FGFR2: variants seen among roughly 807,000 people sequenced by gnomAD.
FGFR2 encodes the protein BEK fibroblast growth factor receptor.
A neutral mutation model predicts 95.9 loss-of-function variants in FGFR2; 19 were observed. The ratio of observed to expected loss-of-function variants is 0.20; its 90% CI spans 0.14 to 0.29. The LOEUF (loss-of-function observed/expected upper bound fraction) is 0.29. Ranked by LOEUF, FGFR2 falls within the 10% of genes least tolerant of loss-of-function variation. The pLI, the probability that FGFR2 is intolerant of heterozygous loss-of-function variation, is 1.00. For missense variants in FGFR2, 707 were observed against 1,056.9 expected, an observed-to-expected ratio of 0.67 and a Z score of 4.59; for synonymous variants, 392 against 393.3, an observed-to-expected ratio of 1.00 and a Z score of 0.04.
chr10:121,493,846 C>T (rs1846443943), intron 13 of FGFR2, among the ~76,000 whole-genome samples: 1 of 152,100 alleles, frequency 6.6e-6, no homozygotes, highest in Non-Finnish European at 1.5e-5. Flanking sequence ...TGCCCCCTGC[C>T]CCAGCCCTGA....
Position 121,593,824 on chromosome 10 carries a change from G to A in FGFR2, c.-7C>T, listed in dbSNP as rs773626594. Reference sequence around the variant, plus strand: ...AACGACCCCAGCTGACCATGGTTACGGTACCAATCCCCGGTCCTCTTCCAT... The same window carrying A: ...AACGACCCCAGCTGACCATGGTTACAGTACCAATCCCCGGTCCTCTTCCAT... On this transcript the variant is annotated 5_prime_UTR_variant, in exon 2 of 18. Transcript: ENST00000358487. 2.5e-5 allele frequency: 40 copies of A among 1,612,964 alleles called. No homozygotes were observed. Among genetic ancestry groups the A allele is most frequent in the Admixed American group, 1.2e-4 (7 of 60,002 alleles).
At chr10:121,565,828 C>T (rs1857598069) in intron 2 of FGFR2, 124 bp from the exon 3 acceptor site, 2 of 1,165,986 alleles carry the variant, frequency 1.7e-6, no homozygotes, top group Non-Finnish European at 2.5e-6. Flanking sequence ...CTGCAAATGG[C>T]CCCAGCAGGC....
intron 2 of FGFR2, 72 bp downstream of exon 2, chr10:121,593,637 A>G: frequency 7.5e-7 from 1 of 1,341,444 alleles, no homozygotes; most frequent in Non-Finnish European, 1.1e-6. Flanking sequence ...AGCTGATTCT[A>G]AAACAGGCCT....
chr10:121,525,525 G>C (rs920990172), intron 6 of FGFR2, among the ~76,000 whole-genome samples: 1 of 152,024 alleles, frequency 6.6e-6, no homozygotes, highest in Non-Finnish European at 1.5e-5. Flanking sequence ...TATCAGGATG[G>C]GCTCTGTCAA....
chr10:121,567,383 TG>T (rs1477517772), intron 2 of FGFR2, among the ~76,000 whole-genome samples: 1 of 152,144 alleles, frequency 6.6e-6, no homozygotes, highest in African/African-American at 2.4e-5. Flanking sequence ...AAATGTAACA[TG>T]GACAAATGCA....
chr10:121,533,641 T>G (rs1478682845), intron 6 of FGFR2, among the ~76,000 whole-genome samples: 5 of 152,218 alleles, frequency 3.3e-5, no homozygotes, highest in African/African-American at 1.2e-4. Context: ...CCGCACATTC[T>G]GTCTTCTGCA....
At chr10:121,493,291 G>A (rs777068338) in intron 13 of FGFR2, among the ~76,000 whole-genome samples, 14 of 152,144 alleles carry the variant, frequency 9.2e-5, no homozygotes, top group South Asian at 2.1e-4. Flanking sequence ...GGGTACTTCC[G>A]TTCTTCCACG....
At chr10:121,577,026 T>G (rs1191920879) in intron 2 of FGFR2, among the ~76,000 whole-genome samples, 2 of 144,148 alleles carry the variant, frequency 1.4e-5, no homozygotes, top group South Asian at 2.2e-4. Flanking sequence ...TCCCAGCTAC[T>G]CGGGAGGCTG....
intron 4 of FGFR2, among the ~76,000 whole-genome samples, chr10:121,559,136 C>CA (rs1336784818): frequency 7.4e-6 from 1 of 135,770 alleles, no homozygotes; most frequent in Non-Finnish European, 1.6e-5. Flanking sequence ...AAAAAAAACT[C>CA]AAAAAAGCCC....
At chr10:121,523,766 T>C (rs1010174698) in intron 6 of FGFR2, among the ~76,000 whole-genome samples, 1 of 152,198 alleles carries the variant, frequency 6.6e-6, no homozygotes, top group Non-Finnish European at 1.5e-5. Context: ...GGCCTACACA[T>C]CTATTCTTAG....
At chr10:121,506,812 T>C (rs1161447081) in intron 9 of FGFR2, among the ~76,000 whole-genome samples, 1 of 152,202 alleles carries the variant, frequency 6.6e-6, no homozygotes, top group Non-Finnish European at 1.5e-5. Flanking sequence ...AGAAAATACA[T>C]TTTATTTCAG....
At chr10:121,556,655 C>T (rs1455678531) in intron 4 of FGFR2, among the ~76,000 whole-genome samples, 2 of 152,194 alleles carry the variant, frequency 1.3e-5, no homozygotes, top group African/African-American at 2.4e-5. Flanking sequence ...CCTTCAACCA[C>T]TCCAGCCTGC....
At chr10:121,588,276 G>GA in intron 2 of FGFR2, among the ~76,000 whole-genome samples, 1 of 151,984 alleles carries the variant, frequency 6.6e-6, no homozygotes, top group Non-Finnish European at 1.5e-5. Flanking sequence ...GAGAGGAGCA[G>GA]AAAAAATAGC....
rs531695350 is a variant in FGFR2, at chr10:121,527,152, G to C, written c.749-6983C>G. 2.6e-5 allele frequency among the ~76,000 whole-genome samples: 4 copies of C among 152,218 alleles called. No homozygotes were observed. The South Asian group carries it at 6.2e-4, about 24-fold the overall frequency. ...GCCTGGGAAGACCAAAGCAGGTGGA[G>C]GCAAAGTACCTTCCCTAATTAATGT... On this transcript the variant is annotated intron_variant, in intron 6 of 17. Coordinates refer to ENST00000358487, the MANE Select transcript of FGFR2 (RefSeq NM_000141.5).
intron 2 of FGFR2, among the ~76,000 whole-genome samples, chr10:121,570,877 T>A (rs985984297): frequency 2.0e-5 from 3 of 152,266 alleles, no homozygotes; most frequent in Non-Finnish European, 4.4e-5. Context: ...TCTACTGCCG[T>A]GGCCACACTA....
Position 121,498,614 on chromosome 10 carries a change from A to ATT in FGFR2, c.1562-10_1562-9insAA, listed in dbSNP as rs754454944. The ATT allele has an allele frequency of 1.5e-5, 24 of 1,611,754 alleles. No individual in the cohort carries two copies. In the African/African-American group the frequency reaches 2.4e-4, roughly 16 times the overall value. On this transcript the variant is annotated splice_polypyrimidine_tract_variant and intron_variant, in intron 11 of 17. Coordinates refer to ENST00000358487, the MANE Select transcript of FGFR2 (RefSeq NM_000141.5). ...TTTCTCTGTGGCATCATCTATGAAC[A>ATT]GTAGGCATATTCACAAATCAGTTCA... is the stretch of plus-strand genomic sequence containing the variant.
chr10:121,536,736 C>T (rs1304369492), intron 6 of FGFR2, among the ~76,000 whole-genome samples: 1 of 152,166 alleles, frequency 6.6e-6, no homozygotes, highest in Non-Finnish European at 1.5e-5. Flanking sequence ...AAGCAAGAGC[C>T]CAGACCGGAG....
intron 5 of FGFR2, among the ~76,000 whole-genome samples, chr10:121,548,360 G>T (rs1264973079): frequency 7.2e-6 from 1 of 138,212 alleles, no homozygotes; most frequent in African/African-American, 2.7e-5. Flanking sequence ...GGCTCAGCGT[G>T]ATACAACAAA....
intron 5 of FGFR2, among the ~76,000 whole-genome samples, chr10:121,549,625 GCTCT>G (rs146483238): frequency 5.9e-5 from 9 of 151,428 alleles, no homozygotes; most frequent in Non-Finnish European, 1.0e-4. Flanking sequence ...CTGCGATCCT[GCTCT>G]CTCTCTCTCT....
Sources: allele counts gnomAD v4.1 joint callset (sites outside exome capture counted in the v4.1 genomes callset), GRCh38; gene constraint gnomAD v4.1.1; transcripts MANE v1.5; gene names NCBI Gene and HGNC (gene_info 2026-07-23, HGNC 2026-07-21).